KCNH7: variants seen among roughly 807,000 people sequenced by gnomAD.
The protein encoded by KCNH7 is voltage-gated inwardly rectifying potassium channel KCNH7.
In KCNH7, 49 loss-of-function variants were observed where a neutral mutation model predicts 120.8. The ratio of observed to expected loss-of-function variants is 0.41; its 90% CI spans 0.32 to 0.51. The LOEUF is 0.51. Among genes scored for constraint, KCNH7 ranks in the 20% least tolerant of loss-of-function variants. KCNH7 has a pLI of 0.38. For missense variants in KCNH7, 1,097 were observed against 1,446.6 expected (o/e 0.76, Z 3.92); for synonymous variants, 547 against 516.1 (o/e 1.06, Z -0.81).
intron 6 of KCNH7, among the ~76,000 whole-genome samples, chr2:162,494,067 G>T (rs1690414569): frequency 6.6e-6 from 1 of 152,130 alleles, no homozygotes; most frequent in Non-Finnish European, 1.5e-5. Context: ...AGGTTTACAA[G>T]AATCTCACTG....
intron 2 of KCNH7, among the ~76,000 whole-genome samples, chr2:162,546,072 C>T (rs941692893): frequency 2.0e-5 from 3 of 152,200 alleles, no homozygotes; most frequent in African/African-American, 7.2e-5. Flanking sequence ...GAAGAACTCT[C>T]ACACATTTTC....
intron 6 of KCNH7, among the ~76,000 whole-genome samples, chr2:162,469,200 G>T (rs1383979224): frequency 1.3e-5 from 2 of 150,034 alleles, no homozygotes; most frequent in African/African-American, 5.1e-5. Context: ...GCTAAATACT[G>T]TTATGAAATT....
At chr2:162,745,428 CAAAG>C (rs1325713730) in intron 2 of KCNH7, among the ~76,000 whole-genome samples, 1 of 151,806 alleles carries the variant, frequency 6.6e-6, no homozygotes, top group Non-Finnish European at 1.5e-5. Context: ...AAATAAATGA[CAAAG>C]AACATTACAT....
At position 162,517,787 on chromosome 2, in the gene KCNH7, T is replaced by C; in HGVS notation, c.835A>G (p.Ile279Val). 3 of 1,601,596 alleles carry C rather than the reference T, an allele frequency of 1.9e-6. No individual in the cohort carries two copies. Among genetic ancestry groups the C allele is most frequent in the Non-Finnish European group, 8.5e-7 (1 of 1,169,772 alleles). The change falls in exon 4 of 16, where the codon ATA becomes GTA. Residue 279 changes from isoleucine (I) to valine (V), a missense_variant. By Grantham distance (29) the Ile-to-Val change is conservative. Transcript: ENST00000332142. ...SIRRASSVHD[I>V]EGFGVHPKNI... The stretch of plus-strand genomic sequence containing the variant: ...TTGGGGTGGACGCCGAATCCTTCTA[T>C]ATCATGGACCGAAGATGCTCTCCGT...
At chr2:162,704,722 A>G (rs1364157241) in intron 2 of KCNH7, among the ~76,000 whole-genome samples, 1 of 152,198 alleles carries the variant, frequency 6.6e-6, no homozygotes, top group African/African-American at 2.4e-5. Context: ...CCTGATTGTT[A>G]GCCATCTGTC....
At chr2:162,600,545 C>T (rs769261223) in intron 2 of KCNH7, among the ~76,000 whole-genome samples, 18 of 152,058 alleles carry the variant, frequency 1.2e-4, no homozygotes, top group Non-Finnish European at 2.4e-4. Context: ...CAGTGACAAG[C>T]CCCTAAATGC....
At chr2:162,649,575 A>G (rs1250218141) in intron 2 of KCNH7, among the ~76,000 whole-genome samples, 1 of 152,136 alleles carries the variant, frequency 6.6e-6, no homozygotes, top group Non-Finnish European at 1.5e-5. Flanking sequence ...ATTTCTCATG[A>G]GATCTCAATA....
At position 162,670,398 on chromosome 2, in the gene KCNH7, C is replaced by T. The variant is rs1263892047; in HGVS notation, c.308-133318G>A. Among the ~76,000 whole-genome samples, 5 of 136,242 alleles carry T rather than the reference C, an allele frequency of 3.7e-5. No individual in the cohort carries two copies. In the East Asian group the frequency reaches 7.2e-4, roughly 20 times the overall value. The allele number at this position is 136,242 out of a possible 152,430, so 89.4% of individuals were successfully genotyped here. On this transcript the variant is annotated intron_variant, in intron 2 of 15. Coordinates refer to ENST00000332142, the MANE Select transcript of KCNH7 (RefSeq NM_033272.4). Reference sequence around the variant, plus strand: ...CTGAGGCAAGAGAGTCGCTTAAACCCGGGAGGTGGAGTTGCAGTGGGCTGA... The same window carrying T: ...CTGAGGCAAGAGAGTCGCTTAAACCTGGGAGGTGGAGTTGCAGTGGGCTGA...
intron 2 of KCNH7, among the ~76,000 whole-genome samples, chr2:162,736,129 G>T (rs543729467): frequency 6.6e-6 from 1 of 152,258 alleles, no homozygotes; most frequent in East Asian, 1.9e-4. Flanking sequence ...GAGGACTCAG[G>T]ACTAGGTCTT....
intron 2 of KCNH7, among the ~76,000 whole-genome samples, chr2:162,585,978 A>G (rs1574136371): frequency 6.6e-6 from 1 of 152,216 alleles, no homozygotes; most frequent in East Asian, 1.9e-4. Context: ...ATTTTCACAT[A>G]ATAAAATTTT....
intron 2 of KCNH7, among the ~76,000 whole-genome samples, chr2:162,537,344 C>T (rs931657521): frequency 6.6e-6 from 1 of 151,974 alleles, no homozygotes; most frequent in African/African-American, 2.4e-5. Flanking sequence ...TTTGCTTTCA[C>T]ACCCATCCCT....
At chr2:162,379,726 T>C in intron 14 of KCNH7, 127 bp downstream of exon 14, 1 of 899,824 alleles carries the variant, frequency 1.1e-6, no homozygotes, top group South Asian at 1.8e-5. Context: ...TAGTCTTATT[T>C]TAAATAAGTA....
chr2:162,741,157 G>T (rs1217213053), intron 2 of KCNH7, among the ~76,000 whole-genome samples: 1 of 151,418 alleles, frequency 6.6e-6, no homozygotes, highest in Non-Finnish European at 1.5e-5. Flanking sequence ...ATGGCATAGT[G>T]ATATGCTAGC....
chr2:162,770,903 G>A (rs557763792), intron 2 of KCNH7, among the ~76,000 whole-genome samples: 1 of 152,134 alleles, frequency 6.6e-6, no homozygotes, highest in East Asian at 1.9e-4. Flanking sequence ...TCTCCTCACT[G>A]TCATACTTTT....
chr2:162,441,765 A>G (rs1688421392), intron 7 of KCNH7, among the ~76,000 whole-genome samples: 2 of 152,128 alleles, frequency 1.3e-5, no homozygotes, highest in South Asian at 4.1e-4. Context: ...AAATTTGCCA[A>G]TGATTGACAT....
chr2:162,820,196 C>T (rs967310664), intron 2 of KCNH7, among the ~76,000 whole-genome samples: 3 of 92,462 alleles, frequency 3.2e-5, no homozygotes, highest in Admixed American at 1.2e-4. Context: ...CCCAGCACCA[C>T]GCCCGGCTAA....
chr2:162,718,578 T>C (rs1318681872), intron 2 of KCNH7, among the ~76,000 whole-genome samples: 1 of 151,984 alleles, frequency 6.6e-6, no homozygotes, highest in African/African-American at 2.4e-5. Context: ...GACTCTCCTT[T>C]TCACTGATGG....
chr2:162,489,083 T>C (rs1257566689), intron 6 of KCNH7, among the ~76,000 whole-genome samples: 2 of 152,232 alleles, frequency 1.3e-5, no homozygotes, highest in African/African-American at 4.8e-5. Flanking sequence ...TATGTGATTG[T>C]ATTGATATGC....
chr2:162,533,687 G>A (rs1044410366), intron 3 of KCNH7, among the ~76,000 whole-genome samples: 1 of 151,604 alleles, frequency 6.6e-6, no homozygotes, highest in South Asian at 2.1e-4. Context: ...AACAGAAATT[G>A]CAAGAGAGAG....
Sources: gnomAD v4.1 joint callset for allele counts (sites outside exome capture counted in the v4.1 genomes callset) on GRCh38, gnomAD v4.1.1 for gene constraint, MANE v1.5 for transcripts, NCBI Gene and HGNC (gene_info 2026-07-23, HGNC 2026-07-21) for gene names.